Variants in SEMA4A observed in about 807,000 individuals in gnomAD.
SEMA4A encodes semaphorin-4A.
Under a neutral mutation model 72.5 loss-of-function variants are expected in SEMA4A, and 52 were observed. The ratio of observed to expected loss-of-function variants is 0.72; its 90% CI spans 0.57 to 0.90. The LOEUF (loss-of-function observed/expected upper bound fraction) is 0.90, where lower values mean the gene tolerates loss of function less well. Among genes scored for constraint, SEMA4A ranks in the 40% least tolerant of loss-of-function variants. SEMA4A has a pLI of 0.00. For synonymous variants in SEMA4A, 369 were observed against 393.1 expected, an observed-to-expected ratio of 0.94 and a Z score of 0.73; for missense variants, 926 against 959.7, an observed-to-expected ratio of 0.96 and a Z score of 0.46.
At chr1:156,154,469 C>A (rs1291420493) in intron 1 of SEMA4A, 81 bp from the exon 2 acceptor site, 2 of 1,310,614 alleles carry the variant, frequency 1.5e-6, no homozygotes, top group Non-Finnish European at 2.1e-6. Flanking sequence ...GCTTCTGCTG[C>A]CTGGGGCTCT....
At chr1:156,172,108 A>G (rs898101121) in intron 10 of SEMA4A, among the ~76,000 whole-genome samples, 12 of 141,364 alleles carry the variant, frequency 8.5e-5, no homozygotes, top group African/African-American at 3.2e-4. Context: ...TTATTTATTT[A>G]TTTATTTATT....
upstream of SEMA4A, among the ~76,000 whole-genome samples, chr1:156,148,801 C>CTTTTT (rs371528689): frequency 7.8e-6 from 1 of 128,740 alleles, no homozygotes; most frequent in Non-Finnish European, 1.7e-5. Flanking sequence ...TTTCTTTTTT[C>CTTTTT]TTTTTTTTTT....
At chr1:156,175,805 A>C in intron 14 of SEMA4A, 149 bp downstream of exon 14, 1 of 682,612 alleles carries the variant, frequency 1.5e-6, no homozygotes, top group Non-Finnish European at 2.7e-6. Context: ...GGTCCTGGCT[A>C]TAGGGAAGAG....
At chr1:156,158,657 C>A (rs756018299) in intron 5 of SEMA4A, 62 bp from the exon 6 acceptor site, 5 of 1,419,162 alleles carry the variant, frequency 3.5e-6, no homozygotes, top group East Asian at 4.6e-5. Flanking sequence ...CTTCCTCAAG[C>A]CCCTCATTTC....
chr1:156,159,685 G>A (rs1486208753), intron 6 of SEMA4A, among the ~76,000 whole-genome samples: 1 of 152,094 alleles, frequency 6.6e-6, no homozygotes, highest in African/African-American at 2.4e-5. Context: ...GAGGCGGGTG[G>A]ATCACTTGAG....
Position 156,160,527 on chromosome 1 carries a change from T to C in SEMA4A, c.653T>C (p.Leu218Pro). 1 of 1,614,150 alleles carries C rather than the reference T, an allele frequency of 6.2e-7. No homozygotes were observed. The highest frequency in any genetic ancestry group is 1.1e-5 in the South Asian group (1 of 91,080). Residue 218 changes from leucine (L) to proline (P), a missense_variant, in exon 7 of 15, where the codon CTC becomes CCC. Coordinates refer to ENST00000368285, the MANE Select transcript of SEMA4A (RefSeq NM_022367.4). ...CGCACACTGGGATCCCAGCCTGTCCTCAAGACCGACAACTTCCTCCGCTGG... is the reference window on the plus strand; with the variant it reads ...CGCACACTGGGATCCCAGCCTGTCCCCAAGACCGACAACTTCCTCCGCTGG... ...LMRTLGSQPV[L>P]KTDNFLRWLH...
At chr1:156,169,713 C>A (rs1654525577) in intron 10 of SEMA4A, among the ~76,000 whole-genome samples, 1 of 151,022 alleles carries the variant, frequency 6.6e-6, no homozygotes, top group Non-Finnish European at 1.5e-5. Flanking sequence ...AGCCACCACG[C>A]CTGGCTGGTT....
intron 2 of SEMA4A, 195 bp from the exon 3 acceptor site, chr1:156,156,219 T>C (rs1653005627): frequency 4.7e-6 from 3 of 632,640 alleles, no homozygotes; most frequent in Non-Finnish European, 8.7e-6. Context: ...TCCTCTCTAC[T>C]GCGGGCTCAG....
chr1:156,161,118 A>G, intron 8 of SEMA4A, 89 bp downstream of exon 8: 1 of 1,286,744 alleles, frequency 7.8e-7, no homozygotes, highest in Non-Finnish European at 1.1e-6. Flanking sequence ...GCCCCCAGTG[A>G]GAGCGGGGGA....
intron 1 of SEMA4A, 43 bp from the exon 2 acceptor site, chr1:156,154,507 A>C (rs1652817780): frequency 4.7e-5 from 73 of 1,546,722 alleles, no homozygotes; most frequent in Non-Finnish European, 6.4e-5. Context: ...GGATGTGGTA[A>C]GAACTGCTCA....
chr1:156,163,305 T>C, intron 10 of SEMA4A: 1 of 600,102 alleles, frequency 1.7e-6, no homozygotes, highest in Non-Finnish European at 3.0e-6. Flanking sequence ...GCCATCTCCC[T>C]TCACCAAGGC....
At chr1:156,150,929 G>C (rs1572380592), upstream of SEMA4A, among the ~76,000 whole-genome samples, 2 of 152,238 alleles carry the variant, frequency 1.3e-5, no homozygotes, top group East Asian at 3.9e-4. Context: ...GGAAACCCCA[G>C]ATTGGAGCTG....
upstream of SEMA4A, among the ~76,000 whole-genome samples, chr1:156,148,805 T>TC (rs1364962327): frequency 6.9e-4 from 103 of 148,364 alleles, no homozygotes; most frequent in African/African-American, 2.5e-3. Context: ...TTTTTTCTTT[T>TC]TTTTTTTTTT....
At position 156,176,786 on chromosome 1, in the gene SEMA4A, C is replaced by T. The variant is rs748084803; in HGVS notation, c.2075C>T (p.Ala692Val). The change falls in exon 15 of 15, where the codon GCC becomes GTC. Residue 692 changes from alanine to valine, a missense_variant. Coordinates refer to ENST00000368285, the MANE Select transcript of SEMA4A (RefSeq NM_022367.4). ...PHFVTVTVLF[A>V]LVLSGALIIL... ...TTTGTCACTGTCACTGTCCTCTTTG[C>T]CTTAGTGCTTTCAGGAGCCCTCATC... 6.2e-7 allele frequency: 1 copy of T among 1,613,640 alleles called. No individual in the cohort carries two copies. The highest frequency in any genetic ancestry group is 1.1e-5 in the South Asian group (1 of 91,072).
intron 11 of SEMA4A, among the ~76,000 whole-genome samples, chr1:156,174,221 A>G (rs974029866): frequency 5.3e-5 from 8 of 152,230 alleles, no homozygotes; most frequent in Non-Finnish European, 1.2e-4. Context: ...TCAGTGGAAG[A>G]AATTTGTCAA....
chr1:156,169,997 C>G (rs989661262), intron 10 of SEMA4A, among the ~76,000 whole-genome samples: 11 of 151,788 alleles, frequency 7.2e-5, no homozygotes, highest in African/African-American at 2.4e-4. Flanking sequence ...TGCACTCCAG[C>G]CTGGCGACAC....
rs369936783 is a variant in SEMA4A, at chr1:156,158,036, T to A, written c.301-34T>A. 3.7e-5 allele frequency: 60 copies of A among 1,612,212 alleles called. No homozygotes were observed. The African/African-American group carries it at 5.1e-4, about 14-fold the overall frequency. ...CAGCTAGAACTGAGGACCTTATTTC[T>A]TTTCATCTCGCCCTCCCAACTCCCC... On this transcript the variant is annotated intron_variant, in intron 3 of 14. Transcript: ENST00000368285.
At chr1:156,158,272 C>A in intron 4 of SEMA4A, 116 bp from the exon 5 acceptor site, 2 of 1,243,438 alleles carry the variant, frequency 1.6e-6, no homozygotes, top group Non-Finnish European at 2.4e-6. Context: ...TCTACAGAGG[C>A]GTACAGGGAC....
intron 10 of SEMA4A, among the ~76,000 whole-genome samples, chr1:156,170,953 C>T (rs114382819): frequency 0.013 from 1,902 of 150,600 alleles, 43 homozygotes; most frequent in African/African-American, 0.044. Context: ...ACCCTTTGAC[C>T]TATAATCCCA....
Sources: gnomAD v4.1 joint callset for allele counts (sites outside exome capture counted in the v4.1 genomes callset) on GRCh38, gnomAD v4.1.1 for gene constraint, MANE v1.5 for transcripts, NCBI Gene and HGNC (gene_info 2026-07-23, HGNC 2026-07-21) for gene names.